TLE4: variants seen among roughly 807,000 people sequenced by gnomAD.
TLE4 encodes the protein TLE family member 4, transcriptional corepressor.
TLE4 carries 8 observed loss-of-function variants against 92.8 expected under a neutral mutation model. The observed-to-expected ratio is 0.09, with a 90% CI of 0.05 to 0.16. The LOEUF (loss-of-function observed/expected upper bound fraction) is 0.16, where lower values mean the gene tolerates loss of function less well. Among genes scored for constraint, TLE4 ranks in the 10% least tolerant of loss-of-function variants. The pLI, the probability that TLE4 is intolerant of heterozygous loss-of-function variation, is 1.00. For synonymous variants in TLE4, 371 were observed against 374.1 expected, an observed-to-expected ratio of 0.99 and a Z score of 0.10; for missense variants, 675 against 997.6, an observed-to-expected ratio of 0.68 and a Z score of 4.36.
intron 8 of TLE4, among the ~76,000 whole-genome samples, chr9:79,672,950 CT>C (rs1180611347): frequency 2.0e-5 from 3 of 152,152 alleles, no homozygotes; most frequent in African/African-American, 7.2e-5. Context: ...GCATAGAAAA[CT>C]CTCAGCACAG....
chr9:79,666,298 G>A (rs1227709196), intron 8 of TLE4, among the ~76,000 whole-genome samples: 1 of 150,148 alleles, frequency 6.7e-6, no homozygotes, highest in African/African-American at 2.5e-5. Context: ...CATGATCTCG[G>A]CTCACTGCAA....
chr9:79,625,726 T>C (rs2133486511), intron 5 of TLE4, among the ~76,000 whole-genome samples: 1 of 152,186 alleles, frequency 6.6e-6, no homozygotes, highest in African/African-American at 2.4e-5. Flanking sequence ...TGCTGGCCAT[T>C]TTATTGACTG....
chr9:79,678,425 A>T (rs2063702188), intron 8 of TLE4, among the ~76,000 whole-genome samples: 1 of 152,034 alleles, frequency 6.6e-6, no homozygotes. Flanking sequence ...TTTTTTTTTA[A>T]ATCAGAGAAA....
chr9:79,638,515 A>G (rs748211929), intron 6 of TLE4, among the ~76,000 whole-genome samples: 1 of 151,982 alleles, frequency 6.6e-6, no homozygotes, highest in Admixed American at 6.6e-5. Flanking sequence ...AGGCAGCTCT[A>G]TAGCTAGTCT....
At position 79,630,777 on chromosome 9, in the gene TLE4, A is replaced by C. The variant is rs548079603; in HGVS notation, c.390+3329A>C. Among the ~76,000 whole-genome samples the C allele has an allele frequency of 5.3e-5, 8 of 152,350 alleles. No homozygotes were observed. In the South Asian group the frequency reaches 1.4e-3, roughly 28 times the overall value. On this transcript the variant is annotated intron_variant, in intron 6 of 19. Coordinates refer to ENST00000376552, the MANE Select transcript of TLE4 (RefSeq NM_007005.6). ...TTTAAATCTATTACACTATATAATC[A>C]GTACATGCTGTGTGAATGTGGTTAT...
chr9:79,705,031 A>T, intron 9 of TLE4, 129 bp downstream of exon 9: 1 of 1,348,124 alleles, frequency 7.4e-7, no homozygotes, highest in Non-Finnish European at 1.0e-6. Context: ...AAAAACATTT[A>T]TTGTATTTAT....
At chr9:79,685,116 C>T (rs1213319020) in intron 8 of TLE4, among the ~76,000 whole-genome samples, 1 of 152,128 alleles carries the variant, frequency 6.6e-6, no homozygotes, top group Non-Finnish European at 1.5e-5. Flanking sequence ...ATAGCCCACG[C>T]CCAAATACAC....
At chr9:79,706,079 C>A (rs2071481976) in intron 10 of TLE4, 137 bp downstream of exon 10, 1 of 854,972 alleles carries the variant, frequency 1.2e-6, no homozygotes, top group Non-Finnish European at 2.0e-6. Context: ...GGGTCTTGTT[C>A]TCTTGCCCTG....
intron 8 of TLE4, among the ~76,000 whole-genome samples, chr9:79,689,321 ATTG>A (rs968298867): frequency 2.0e-5 from 3 of 151,184 alleles, no homozygotes; most frequent in East Asian, 1.9e-4. Flanking sequence ...ATCAATTTTT[ATTG>A]TTGTTTTTTT....
intron 8 of TLE4, chr9:79,693,609 G>A (rs770980980): frequency 2.0e-6 from 1 of 511,852 alleles, no homozygotes; most frequent in South Asian, 1.4e-5. Context: ...ATGCACACAT[G>A]CCACACGTGT....
chr9:79,612,595 G>T, intron 4 of TLE4, 61 bp from the exon 5 acceptor site: 1 of 1,402,050 alleles, frequency 7.1e-7, no homozygotes, highest in South Asian at 1.2e-5. Context: ...GTTAATATTT[G>T]GGGAATCTGT....
chr9:79,695,745 A>G (rs959489626), intron 8 of TLE4, among the ~76,000 whole-genome samples: 1 of 152,266 alleles, frequency 6.6e-6, no homozygotes, highest in African/African-American at 2.4e-5. Flanking sequence ...GGATAGCATT[A>G]CAGATAAGAC....
chr9:79,678,126 G>A (rs2063634493), intron 8 of TLE4, among the ~76,000 whole-genome samples: 2 of 152,048 alleles, frequency 1.3e-5, no homozygotes, highest in Admixed American at 1.3e-4. Context: ...TATATTAAAT[G>A]AGGCAGAAAA....
chr9:79,681,080 A>G (rs2064460929), intron 8 of TLE4, among the ~76,000 whole-genome samples: 1 of 152,126 alleles, frequency 6.6e-6, no homozygotes, highest in African/African-American at 2.4e-5. Context: ...ATATTGGTCT[A>G]AAATTCTCTG....
intron 8 of TLE4, among the ~76,000 whole-genome samples, chr9:79,660,096 C>A (rs1402041590): frequency 6.6e-6 from 1 of 152,176 alleles, no homozygotes; most frequent in Non-Finnish European, 1.5e-5. Flanking sequence ...ATGAAGTATT[C>A]TTGACACCAC....
intron 5 of TLE4, among the ~76,000 whole-genome samples, chr9:79,621,540 T>A (rs568752056): frequency 1.3e-3 from 199 of 152,256 alleles, no homozygotes; most frequent in African/African-American, 4.4e-3. Context: ...AAAAAGCTTG[T>A]CCATGAGGTA....
intron 8 of TLE4, among the ~76,000 whole-genome samples, chr9:79,679,734 G>GT (rs2064076062): frequency 6.6e-6 from 1 of 152,074 alleles, no homozygotes. Flanking sequence ...TTCTTCTAGG[G>GT]TTTTTATGGT....
intron 8 of TLE4, among the ~76,000 whole-genome samples, chr9:79,671,865 T>C (rs1260287617): frequency 6.6e-6 from 1 of 151,186 alleles, no homozygotes; most frequent in Non-Finnish European, 1.5e-5. Flanking sequence ...CATGAATGCC[T>C]CTCATAGTGT....
chr9:79,596,182 G>A (rs1273595998), intron 4 of TLE4, among the ~76,000 whole-genome samples: 2 of 152,090 alleles, frequency 1.3e-5, no homozygotes, highest in South Asian at 2.1e-4. Flanking sequence ...ACATACCTCT[G>A]TAAGTCACAA....
Sources: gnomAD v4.1 joint callset for allele counts (sites outside exome capture counted in the v4.1 genomes callset) on GRCh38, gnomAD v4.1.1 for gene constraint, MANE v1.5 for transcripts, NCBI Gene and HGNC (gene_info 2026-07-23, HGNC 2026-07-21) for gene names.